Variants in TUBD1 observed in about 807,000 individuals in gnomAD.
The protein encoded by TUBD1 is tubulin delta chain.
TUBD1 carries 38 observed loss-of-function variants against 51.2 expected under a neutral mutation model. That is an observed-to-expected ratio of 0.74 (90% CI 0.57 to 0.97). The LOEUF is 0.97. TUBD1 is among the 50% of genes least tolerant of loss of function. The probability of loss-of-function intolerance (pLI) is 0.00; values close to 1 mark genes in which losing one functional copy is unlikely to be tolerated. For synonymous variants in TUBD1, 169 were observed against 178.2 expected (o/e 0.95, Z 0.41); for missense variants, 489 against 538.4 (o/e 0.91, Z 0.91).
intron 6 of TUBD1, among the ~76,000 whole-genome samples, chr17:59,867,720 A>G (rs943650716): frequency 3.3e-5 from 5 of 151,884 alleles, no homozygotes; most frequent in Non-Finnish European, 7.4e-5. Flanking sequence ...CTTTTGGAGG[A>G]TAAGATTTTG....
chr17:59,866,526 C>G (rs2039706665), intron 7 of TUBD1, 83 bp downstream of exon 7: 7 of 1,529,110 alleles, frequency 4.6e-6, no homozygotes, highest in Non-Finnish European at 6.2e-6. Context: ...TCCAAGAACA[C>G]AGGGACTTTT....
chr17:59,870,453 A>C (rs1372604669), intron 6 of TUBD1, among the ~76,000 whole-genome samples: 1 of 150,954 alleles, frequency 6.6e-6, no homozygotes, highest in Non-Finnish European at 1.5e-5. Flanking sequence ...TCTATTTGAG[A>C]AGCAGTGAGA....
intron 6 of TUBD1, among the ~76,000 whole-genome samples, chr17:59,870,632 G>GT (rs60114169): frequency 0.023 from 3,449 of 152,230 alleles, 128 homozygotes; most frequent in African/African-American, 0.078. Context: ...GCAGGAAAGT[G>GT]TAACAGTCCA....
Position 59,883,648 on chromosome 17 carries a change from C to T in TUBD1, c.320+2435G>A, listed in dbSNP as rs999937878. On this transcript the variant is annotated intron_variant, in intron 3 of 8. Transcript: ENST00000325752. The stretch of plus-strand genomic sequence containing the variant: ...CTCAAACTCCTGACCTCAAGTGATC[C>T]ACCTTGGCCTCCCAAAGTGTTGGGA... 3.3e-5 allele frequency among the ~76,000 whole-genome samples: 5 copies of T among 152,100 alleles called. No homozygotes were observed. In the East Asian group the frequency reaches 7.7e-4, roughly 24 times the overall value.
chr17:59,873,453 G>A (rs1437691940), intron 6 of TUBD1, among the ~76,000 whole-genome samples: 1 of 152,080 alleles, frequency 6.6e-6, no homozygotes, highest in Non-Finnish European at 1.5e-5. Context: ...GTTTTGCCAT[G>A]TTGCCCAGAC....
intron 6 of TUBD1, among the ~76,000 whole-genome samples, chr17:59,867,855 A>G (rs1157236672): frequency 3.3e-5 from 5 of 151,986 alleles, no homozygotes; most frequent in South Asian, 4.1e-4. Context: ...AATGACCCCA[A>G]TCATCTTTGC....
At chr17:59,877,626 G>C (rs1170873229) in intron 5 of TUBD1, among the ~76,000 whole-genome samples, 3 of 151,956 alleles carry the variant, frequency 2.0e-5, no homozygotes, top group African/African-American at 4.8e-5. Flanking sequence ...AAATCAGCTG[G>C]GCATGGTAGC....
intron 8 of TUBD1, among the ~76,000 whole-genome samples, chr17:59,863,278 A>G (rs1239207327): frequency 6.6e-6 from 1 of 152,154 alleles, no homozygotes; most frequent in Non-Finnish European, 1.5e-5. Context: ...CTTCCTGCAG[A>G]TCGGACCTCA....
At chr17:59,888,846 G>A (rs1219828467) in intron 2 of TUBD1, among the ~76,000 whole-genome samples, 1 of 151,766 alleles carries the variant, frequency 6.6e-6, no homozygotes, top group Non-Finnish European at 1.5e-5. Flanking sequence ...CAAGTAGCTG[G>A]GATTACAGGC....
At chr17:59,882,275 TTTTTTG>T (rs1206997361) in intron 3 of TUBD1, among the ~76,000 whole-genome samples, 9 of 152,058 alleles carry the variant, frequency 5.9e-5, no homozygotes, top group Admixed American at 3.9e-4. Flanking sequence ...CTTTTTTATT[TTTTTTG>T]TTTTTGTTTT....
At chr17:59,868,282 T>TGAA (rs1376720399) in intron 6 of TUBD1, among the ~76,000 whole-genome samples, 1 of 52,986 alleles carries the variant, frequency 1.9e-5, no homozygotes, top group African/African-American at 1.9e-4. Context: ...AGACTCCATG[T>TGAA]CAAAAAAAAA....
At chr17:59,890,719 G>A in intron 2 of TUBD1, 112 bp downstream of exon 2, 1 of 895,838 alleles carries the variant, frequency 1.1e-6, no homozygotes, top group East Asian at 2.8e-5. Flanking sequence ...CAAAAACAAA[G>A]TAATTCCCTA....
chr17:59,884,353 C>T (rs2040620495), intron 3 of TUBD1, among the ~76,000 whole-genome samples: 1 of 152,130 alleles, frequency 6.6e-6, no homozygotes, highest in African/African-American at 2.4e-5. Context: ...TGACTCACGC[C>T]TGTAATCCCA....
chr17:59,885,413 T>A (rs904096661), intron 3 of TUBD1: 2 of 1,157,608 alleles, frequency 1.7e-6, no homozygotes, highest in Admixed American at 1.7e-5. Flanking sequence ...ATGGCTCTCA[T>A]GATATTCATG....
At position 59,887,535 on chromosome 17, in the gene TUBD1, GGA is replaced by G. The variant is rs774626889; in HGVS notation, c.173-1307_173-1306del. On this transcript the variant is annotated intron_variant, in intron 2 of 8. Coordinates refer to ENST00000325752, the MANE Select transcript of TUBD1 (RefSeq NM_016261.4). ...AATTGTTGGAGCAGAGGATGGAGAAGGAGAGGGTAGAAGTGATGGATGGGGAT... is the reference window on the plus strand; with the variant it reads ...AATTGTTGGAGCAGAGGATGGAGAAGGAGGGTAGAAGTGATGGATGGGGAT... Among the ~76,000 whole-genome samples, 26 of 152,308 alleles carry G rather than the reference GGA, an allele frequency of 1.7e-4. No homozygotes were observed. In the East Asian group the frequency reaches 2.5e-3, roughly 15 times the overall value.
chr17:59,880,208 G>A (rs1598551722), intron 4 of TUBD1, among the ~76,000 whole-genome samples: 3 of 152,016 alleles, frequency 2.0e-5, no homozygotes, highest in African/African-American at 2.4e-5. Context: ...ACAGGCCAGC[G>A]CCACCATGCC....
rs956213294 is a variant in TUBD1 at position 59,861,166 on chromosome 17, G to A, written c.1260-742C>T. On this transcript the variant is annotated intron_variant, in intron 8 of 8. Coordinates refer to ENST00000325752, the MANE Select transcript of TUBD1 (RefSeq NM_016261.4). ...ATTTAATTTGTAGTTATGCCAGGGT[G>A]GTCCTCTCAATCCCTCCCACCCCAC... is the stretch of plus-strand genomic sequence containing the variant. Among the ~76,000 whole-genome samples the A allele has an allele frequency of 2.0e-5, 3 of 150,440 alleles. No individual in the cohort carries two copies. In the Admixed American group the frequency reaches 2.0e-4, roughly 10 times the overall value.
intron 3 of TUBD1, chr17:59,885,286 C>G (rs767470289): frequency 5.1e-6 from 3 of 593,366 alleles, no homozygotes; most frequent in Non-Finnish European, 9.7e-6. Context: ...CTGGGACCAG[C>G]TGGACCTGAG....
chr17:59,863,670 G>A lies in TUBD1; in HGVS notation c.1253C>T (p.Ala418Val), dbSNP rs1403059748. The change falls in exon 8 of 9, where the codon GCT (alanine) becomes GTT (valine). Residue 418 changes from alanine (A) to valine (V), a missense_variant. By Grantham distance (64) the Ala-to-Val change is moderately conservative. Coordinates refer to ENST00000325752, the MANE Select transcript of TUBD1 (RefSeq NM_016261.4). Reference sequence around the variant, plus strand: ...AGACTTATTTTATACTTACTTTGAAGCAAACATATTCCATGCCTTCCCAAC... The same window carrying A: ...AGACTTATTTTATACTTACTTTGAAACAAACATATTCCATGCCTTCCCAAC... ...MIVGKAWNMF[A>V]SKAYIHQYTK... 6 of 1,538,606 alleles carry A rather than the reference G, an allele frequency of 3.9e-6. No individual in the cohort carries two copies. The highest frequency in any genetic ancestry group is 1.4e-5 in the African/African-American group (1 of 70,258).
Sources: gnomAD v4.1 joint callset for allele counts (sites outside exome capture counted in the v4.1 genomes callset) on GRCh38, gnomAD v4.1.1 for gene constraint, MANE v1.5 for transcripts, NCBI Gene and HGNC (gene_info 2026-07-23, HGNC 2026-07-21) for gene names.